The following TMEM232 variants were observed in gnomAD, a reference collection of about 807,000 sequenced individuals.
The protein encoded by TMEM232 is transmembrane protein 232.
Under a neutral mutation model 78.8 loss-of-function variants are expected in TMEM232, and 80 were observed. The ratio of observed to expected loss-of-function variants is 1.01; its 90% confidence interval spans 0.85 to 1.22. The LOEUF is 1.22. Ranked by LOEUF, TMEM232 falls within the 50% of genes most tolerant of loss-of-function variation. The pLI is 0.00. For synonymous variants in TMEM232, 297 were observed against 254.3 expected, an observed-to-expected ratio of 1.17 and a Z score of -1.60; for missense variants, 881 against 742.2, an observed-to-expected ratio of 1.19 and a Z score of -2.17.
chr5:110,695,529 A>G (rs10076816), intron 1 of TMEM232, among the ~76,000 whole-genome samples: 14,227 of 152,118 alleles, frequency 0.094, 780 homozygotes, highest in South Asian at 0.18. Flanking sequence ...TTTTTTGAAA[A>G]GATCAACAAA....
At chr5:110,447,068 A>G (rs1207240189) in intron 12 of TMEM232, among the ~76,000 whole-genome samples, 1 of 151,762 alleles carries the variant, frequency 6.6e-6, no homozygotes, top group Non-Finnish European at 1.5e-5. Context: ...TGAGACAGGC[A>G]CCAGGAACAT....
intron 12 of TMEM232, among the ~76,000 whole-genome samples, chr5:110,454,861 G>GA (rs763297855): frequency 6.0e-5 from 9 of 149,804 alleles, no homozygotes; most frequent in Non-Finnish European, 8.9e-5. Flanking sequence ...CAATGAAAGT[G>GA]AAAAAAACAA....
At chr5:110,631,211 A>G (rs191235867) in intron 5 of TMEM232, among the ~76,000 whole-genome samples, 4 of 152,106 alleles carry the variant, frequency 2.6e-5, no homozygotes, top group Non-Finnish European at 4.4e-5. Context: ...CAGAAAAGAG[A>G]TGGTGCAGCG....
chr5:110,469,221 C>G (rs921955786), intron 12 of TMEM232, among the ~76,000 whole-genome samples: 1 of 152,168 alleles, frequency 6.6e-6, no homozygotes. Flanking sequence ...TTACACCATA[C>G]CATTTTGGAA....
chr5:110,502,096 G>C (rs1766325530), intron 12 of TMEM232, among the ~76,000 whole-genome samples: 2 of 152,146 alleles, frequency 1.3e-5, no homozygotes. Context: ...CTCCTCCATA[G>C]AGTATGTGTG....
At chr5:110,552,825 C>G (rs1774628424) in intron 11 of TMEM232, among the ~76,000 whole-genome samples, 1 of 152,050 alleles carries the variant, frequency 6.6e-6, no homozygotes, top group Non-Finnish European at 1.5e-5. Flanking sequence ...GAGCCTATGT[C>G]CAGAATGGTA....
chr5:110,625,447 AATC>A lies in TMEM232; in HGVS notation c.602-17_602-15del. Reference sequence around the variant, plus strand: ...AGAAAGAAAGTGCTATTGTAAGAAAAATCATCTGTGAGAAATAATTTATTAATA... The same window carrying A: ...AGAAAGAAAGTGCTATTGTAAGAAAAATCTGTGAGAAATAATTTATTAATA... On this transcript the variant is annotated splice_polypyrimidine_tract_variant and intron_variant, in intron 6 of 13. Coordinates refer to ENST00000455884, the MANE Select transcript of TMEM232 (RefSeq NM_001039763.4). 2 of 1,494,376 alleles carry A rather than the reference AATC, an allele frequency of 1.3e-6. No homozygotes were observed. The highest frequency in any genetic ancestry group is 8.9e-7 in the Non-Finnish European group (1 of 1,120,054). 92.6% of individuals were successfully genotyped at this position (1,494,376 alleles called of 1,614,324 possible).
intron 5 of TMEM232, among the ~76,000 whole-genome samples, chr5:110,637,062 T>C (rs989963534): frequency 1.3e-5 from 2 of 151,372 alleles, no homozygotes; most frequent in Non-Finnish European, 3.0e-5. Context: ...CTATTCCATT[T>C]TAAAAATTTT....
At chr5:110,719,664 A>G (rs1797388126) in intron 1 of TMEM232, among the ~76,000 whole-genome samples, 1 of 152,056 alleles carries the variant, frequency 6.6e-6, no homozygotes, top group Admixed American at 6.6e-5. Flanking sequence ...TGACTTGGCT[A>G]GGATATTTTA....
intron 12 of TMEM232, among the ~76,000 whole-genome samples, chr5:110,474,878 T>C (rs892753763): frequency 1.2e-4 from 18 of 152,014 alleles, no homozygotes; most frequent in African/African-American, 4.3e-4. Context: ...AAAAGAACAC[T>C]TCAGTGAACT....
intron 4 of TMEM232, among the ~76,000 whole-genome samples, chr5:110,640,123 T>C (rs548078617): frequency 2.0e-5 from 3 of 152,328 alleles, no homozygotes; most frequent in African/African-American, 2.4e-5. Flanking sequence ...TTCTTGCTGG[T>C]AAACCAAGAG....
intron 10 of TMEM232, among the ~76,000 whole-genome samples, chr5:110,601,684 T>C (rs1031834292): frequency 2.0e-5 from 3 of 152,146 alleles, no homozygotes; most frequent in African/African-American, 7.2e-5. Context: ...TGCTCAGGGA[T>C]AGGCAGAATC....
intron 1 of TMEM232, among the ~76,000 whole-genome samples, chr5:110,703,531 T>C (rs189128665): frequency 7.2e-5 from 11 of 152,224 alleles, no homozygotes; most frequent in African/African-American, 2.6e-4. Flanking sequence ...ATCAGAGCTT[T>C]TGAAATTTGG....
In TMEM232 at chr5:110,667,216, T is replaced by A; in HGVS notation, c.125+12A>T. 1 of 1,535,932 alleles carries A rather than the reference T, an allele frequency of 6.5e-7. No homozygotes were observed. On this transcript the variant is annotated intron_variant, in intron 2 of 13. Coordinates refer to ENST00000455884, the MANE Select transcript of TMEM232 (RefSeq NM_001039763.4). ...CAATACATATGGGTCCTATAATTAT[T>A]TTCTAGCTTACCTTGATTTATGACC...
intron 13 of TMEM232, among the ~76,000 whole-genome samples, chr5:110,424,342 TATC>T (rs1757014188): frequency 6.6e-6 from 1 of 152,136 alleles, no homozygotes; most frequent in African/African-American, 2.4e-5. Flanking sequence ...GTTAAGAAAT[TATC>T]AACAAAATAT....
chr5:110,477,364 T>C (rs1763362367), intron 12 of TMEM232, among the ~76,000 whole-genome samples: 1 of 151,870 alleles, frequency 6.6e-6, no homozygotes, highest in African/African-American at 2.4e-5. Context: ...TCAACTACTA[T>C]TCATCAATTA....
intron 2 of TMEM232, among the ~76,000 whole-genome samples, chr5:110,666,144 T>G (rs1462377025): frequency 6.6e-6 from 1 of 152,134 alleles, no homozygotes; most frequent in Non-Finnish European, 1.5e-5. Flanking sequence ...CAATTGCACT[T>G]TGTTAAATCC....
chr5:110,468,959 C>A (rs1431744519), intron 12 of TMEM232, among the ~76,000 whole-genome samples: 1 of 152,140 alleles, frequency 6.6e-6, no homozygotes, highest in Non-Finnish European at 1.5e-5. Context: ...CTGGCCTTCA[C>A]TAATTCATCC....
At chr5:110,559,729 C>A (rs181929893) in intron 11 of TMEM232, among the ~76,000 whole-genome samples, 11 of 152,060 alleles carry the variant, frequency 7.2e-5, no homozygotes, top group Non-Finnish European at 1.6e-4. Context: ...CAAAGTACCA[C>A]AAAATTTGTG....
Sources: gnomAD v4.1 joint callset for allele counts (sites outside exome capture counted in the v4.1 genomes callset) on GRCh38, gnomAD v4.1.1 for gene constraint, MANE v1.5 for transcripts, NCBI Gene and HGNC (gene_info 2026-07-23, HGNC 2026-07-21) for gene names.